NLRP5: variants seen among roughly 807,000 people sequenced by gnomAD.
The protein encoded by NLRP5 is NLR family pyrin domain containing 5.
Under a neutral mutation model 113.1 loss-of-function variants are expected in NLRP5, and 93 were observed. That is an observed-to-expected ratio of 0.82 (90% CI 0.70 to 0.98). NLRP5 has a LOEUF of 0.98. NLRP5 is among the 50% of genes least tolerant of loss of function. The pLI is 0.00. For synonymous variants in NLRP5, 751 were observed against 600.7 expected, an observed-to-expected ratio of 1.25 and a Z score of -3.66; for missense variants, 1,808 against 1,514.3, an observed-to-expected ratio of 1.19 and a Z score of -3.22.
At chr19:56,002,734 C>T (rs539039096) in intron 1 of NLRP5, among the ~76,000 whole-genome samples, 23 of 149,524 alleles carry the variant, frequency 1.5e-4, no homozygotes, top group Admixed American at 3.4e-4. Context: ...TTTGTCCTTG[C>T]GATAGTTTGC....
At chr19:56,037,944 C>T in intron 9 of NLRP5, 81 bp from the exon 10 acceptor site, 1 of 1,445,356 alleles carries the variant, frequency 6.9e-7, no homozygotes, top group Non-Finnish European at 9.6e-7. Context: ...ACGGCCAGCG[C>T]TGCTGGCGTG....
intron 6 of NLRP5, among the ~76,000 whole-genome samples, chr19:56,021,873 G>C (rs1568488459): frequency 6.6e-6 from 1 of 152,076 alleles, no homozygotes; most frequent in Admixed American, 6.6e-5. Context: ...GCAGAGTTCT[G>C]AAAAAAGGGG....
chr19:56,040,037 A>C (rs1313734135), intron 10 of NLRP5, among the ~76,000 whole-genome samples: 1 of 151,934 alleles, frequency 6.6e-6, no homozygotes, highest in Non-Finnish European at 1.5e-5. Context: ...TGCAGCCTCT[A>C]CCTCCCAGGC....
At chr19:56,052,825 C>G (rs1983980212) in intron 12 of NLRP5, among the ~76,000 whole-genome samples, 1 of 152,132 alleles carries the variant, frequency 6.6e-6, no homozygotes, top group Non-Finnish European at 1.5e-5. Context: ...CTTCTGTCCC[C>G]TTTTCTCTCC....
intron 2 of NLRP5, 128 bp downstream of exon 2, chr19:56,004,223 G>A: frequency 1.0e-6 from 1 of 985,758 alleles, no homozygotes; most frequent in East Asian, 2.5e-5. Flanking sequence ...CTGTGAGAAG[G>A]ATCCTATTGG....
chr19:56,023,383 G>A (rs148635983), intron 6 of NLRP5, among the ~76,000 whole-genome samples: 6 of 152,244 alleles, frequency 3.9e-5, no homozygotes, highest in Non-Finnish European at 5.9e-5. Context: ...CTGTTAACAC[G>A]TCCCCTGATG....
Position 56,050,599 on chromosome 19 carries a change from C to G in NLRP5, c.3128+11C>G, listed in dbSNP as rs370387089. The G allele has an allele frequency of 6.2e-7, 1 of 1,612,004 alleles. No individual in the cohort carries two copies. On this transcript the variant is annotated intron_variant, in intron 12 of 14. Coordinates refer to ENST00000390649, the MANE Select transcript of NLRP5 (RefSeq NM_153447.4). ...TCTCCAGGACCTGGAGTGAGTTTCCCATGGGCGTTGGGTCAACTCTATCAT... is the reference window on the plus strand; with the variant it reads ...TCTCCAGGACCTGGAGTGAGTTTCCGATGGGCGTTGGGTCAACTCTATCAT...
At chr19:56,025,692 G>A (rs909495490) in intron 6 of NLRP5, among the ~76,000 whole-genome samples, 2 of 152,048 alleles carry the variant, frequency 1.3e-5, no homozygotes, top group African/African-American at 2.4e-5. Context: ...TTACAGGGGT[G>A]AGCCAGCACA....
chr19:55,986,843 C>T, the NLRP5 span, among the ~76,000 whole-genome samples: 4 of 152,168 alleles, frequency 2.6e-5, no homozygotes, highest in Non-Finnish European at 5.9e-5. Context: ...TCCTGTCTTG[C>T]TCTCTGCCCT....
upstream of NLRP5, among the ~76,000 whole-genome samples, chr19:55,997,483 C>T: frequency 6.6e-6 from 1 of 151,998 alleles, no homozygotes; most frequent in East Asian, 1.9e-4. Flanking sequence ...AGGAAGAATT[C>T]CCTCCCCTTC....
chr19:56,029,574 A>T (rs1017845180), intron 7 of NLRP5, among the ~76,000 whole-genome samples: 2 of 152,044 alleles, frequency 1.3e-5, no homozygotes, highest in Non-Finnish European at 2.9e-5. Context: ...CCTCATTTGT[A>T]TTTAAATAGT....
chr19:56,024,277 G>A (rs1392894316), intron 6 of NLRP5, among the ~76,000 whole-genome samples: 21 of 149,456 alleles, frequency 1.4e-4, no homozygotes, highest in Admixed American at 2.0e-4. Context: ...TGAAGTGGGC[G>A]GATCACTTGA....
chr19:56,013,650 C>T (rs1056701712), intron 3 of NLRP5, among the ~76,000 whole-genome samples: 16 of 117,066 alleles, frequency 1.4e-4, no homozygotes, highest in Admixed American at 5.5e-4. Flanking sequence ...TGGATTCCCA[C>T]GTGTGTGTTT....
At chr19:55,999,720 G>A, upstream of NLRP5, 3 of 1,609,776 alleles carry the variant, frequency 1.9e-6, no homozygotes, top group Non-Finnish European at 2.6e-6. Flanking sequence ...CCATGGCGAT[G>A]TTATCATGAA....
At chr19:56,007,194 C>T (rs947918208) in intron 2 of NLRP5, among the ~76,000 whole-genome samples, 3 of 151,244 alleles carry the variant, frequency 2.0e-5, no homozygotes, top group Non-Finnish European at 4.4e-5. Context: ...AAAACCCTGT[C>T]TCTACTAAAA....
intron 1 of NLRP5, chr19:55,999,886 A>G (rs1981564989): frequency 1.2e-6 from 1 of 863,606 alleles, no homozygotes; most frequent in Admixed American, 1.7e-5. Context: ...TGTCTGCTGC[A>G]ATGTTATTAG....
chr19:56,020,454 T>C, intron 6 of NLRP5, 23 bp downstream of exon 6: 1 of 1,610,122 alleles, frequency 6.2e-7, no homozygotes, highest in Non-Finnish European at 8.5e-7. Context: ...GATGTATTCC[T>C]TGGTTGCCCT....
Position 56,053,625 on chromosome 19 carries a change from C to G in NLRP5, c.3129-13C>G. 6.2e-7 allele frequency: 1 copy of G among 1,609,660 alleles called. No individual in the cohort carries two copies. The highest frequency in any genetic ancestry group is 8.5e-7 in the Non-Finnish European group (1 of 1,177,352). On this transcript the variant is annotated splice_polypyrimidine_tract_variant and intron_variant, in intron 12 of 14. Coordinates refer to ENST00000390649, the MANE Select transcript of NLRP5 (RefSeq NM_153447.4). ...GAGAGAGGCAGACTCTCTCTATTCC[C>G]CGCCTCTTGCAGGTTGGTAAAGTGT...
At chr19:56,021,045 T>C (rs185076040) in intron 6 of NLRP5, among the ~76,000 whole-genome samples, 15 of 152,158 alleles carry the variant, frequency 9.9e-5, no homozygotes. Context: ...CTAATTTTTG[T>C]ATTTTTAGTA....
Sources: gnomAD v4.1 joint callset for allele counts (sites outside exome capture counted in the v4.1 genomes callset) on GRCh38, gnomAD v4.1.1 for gene constraint, MANE v1.5 for transcripts, NCBI Gene and HGNC (gene_info 2026-07-23, HGNC 2026-07-21) for gene names.